PDE8B: variants seen among roughly 807,000 people sequenced by gnomAD.
PDE8B encodes phosphodiesterase 8B, also known as high affinity cAMP-specific and IBMX-insensitive 3',5'-cyclic phosphodiesterase 8B.
Under a neutral mutation model 101.3 loss-of-function variants are expected in PDE8B, and 26 were observed. That is an observed-to-expected ratio of 0.26 (90% CI 0.19 to 0.36). The LOEUF is 0.36. Ranked by LOEUF, PDE8B falls within the 10% of genes least tolerant of loss-of-function variation. The pLI is 1.00. For synonymous variants in PDE8B, 424 were observed against 429.3 expected, an observed-to-expected ratio of 0.99 and a Z score of 0.15; for missense variants, 810 against 1,163.1, an observed-to-expected ratio of 0.70 and a Z score of 4.42.
intron 1 of PDE8B, among the ~76,000 whole-genome samples, chr5:77,245,862 A>AC (rs1232280590): frequency 1.0e-4 from 1 of 10,046 alleles, no homozygotes; most frequent in Non-Finnish European, 1.9e-4. Flanking sequence ...CCCCCCCCCC[A>AC]ACTTTTTGAG....
chr5:77,232,113 G>T (rs1269226161), intron 1 of PDE8B, among the ~76,000 whole-genome samples: 4 of 152,186 alleles, frequency 2.6e-5, no homozygotes, highest in Non-Finnish European at 5.9e-5. Context: ...TGTATATTTT[G>T]TTAATTTTAG....
At chr5:77,164,597 T>C in the PDE8B span, among the ~76,000 whole-genome samples, 3 of 152,086 alleles carry the variant, frequency 2.0e-5, no homozygotes, top group African/African-American at 4.8e-5. Flanking sequence ...AAAGAGAAGG[T>C]AGGCACACTA....
the PDE8B span, among the ~76,000 whole-genome samples, chr5:77,196,017 C>T: frequency 1.3e-5 from 2 of 152,168 alleles, no homozygotes; most frequent in African/African-American, 2.4e-5. Flanking sequence ...TCTCTAGTGA[C>T]AAATGATGTT....
intron 9 of PDE8B, among the ~76,000 whole-genome samples, chr5:77,351,772 G>A (rs4704412): frequency 0.4 from 60,999 of 151,876 alleles, 12,447 homozygotes; most frequent in East Asian, 0.47. Flanking sequence ...ACATCATGGT[G>A]AGCCGTGGGG....
chr5:77,396,881 A>G (rs1237484419), intron 10 of PDE8B, among the ~76,000 whole-genome samples: 1 of 152,078 alleles, frequency 6.6e-6, no homozygotes, highest in African/African-American at 2.4e-5. Context: ...TTCCATGGAA[A>G]AACCTAGGAT....
the PDE8B span, among the ~76,000 whole-genome samples, chr5:77,185,372 G>C: frequency 7.2e-5 from 11 of 152,146 alleles, no homozygotes; most frequent in Non-Finnish European, 1.6e-4. Context: ...CTTGTAGACG[G>C]TCATCTTTTC....
intron 1 of PDE8B, among the ~76,000 whole-genome samples, chr5:77,296,236 CTCT>C (rs1482394015): frequency 2.7e-5 from 4 of 149,194 alleles, no homozygotes; most frequent in South Asian, 2.1e-4. Context: ...CTTCGTTTTC[CTCT>C]TCTTCTTTCT....
At position 77,426,586 on chromosome 5, in the gene PDE8B, C is replaced by A; in HGVS notation, c.*32C>A. 1 of 1,112,794 alleles carries A rather than the reference C, an allele frequency of 9.0e-7. No homozygotes were observed. The highest frequency in any genetic ancestry group is 1.4e-6 in the Non-Finnish European group (1 of 724,012). 68.9% of individuals were successfully genotyped at this position (1,112,794 alleles called of 1,614,324 possible). A position where few individuals can be genotyped will look rare whatever the true frequency, so the allele number is the denominator to read the frequency against. On this transcript the variant is annotated 3_prime_UTR_variant, in exon 22 of 22. Coordinates refer to ENST00000264917, the MANE Select transcript of PDE8B (RefSeq NM_003719.5). Reference sequence around the variant, plus strand: ...GCCACAGAGGGGGCCTCTTGACCGACAAAGGACACTGTGAATCACAGTAGC... The same window carrying A: ...GCCACAGAGGGGGCCTCTTGACCGAAAAAGGACACTGTGAATCACAGTAGC...
intron 10 of PDE8B, among the ~76,000 whole-genome samples, chr5:77,387,904 T>C (rs1038482166): frequency 2.6e-5 from 4 of 152,154 alleles, no homozygotes; most frequent in Non-Finnish European, 5.9e-5. Flanking sequence ...GAAGTTCTCG[T>C]GCTGTGTTTT....
chr5:77,234,029 G>C (rs1754183199), intron 1 of PDE8B, among the ~76,000 whole-genome samples: 3 of 152,046 alleles, frequency 2.0e-5, no homozygotes, highest in Admixed American at 2.0e-4. Flanking sequence ...ACTTTAAGGG[G>C]CTGAGAGCAA....
intron 14 of PDE8B, 113 bp downstream of exon 14, chr5:77,409,170 C>T (rs1292533453): frequency 2.4e-5 from 20 of 847,188 alleles, no homozygotes; most frequent in South Asian, 1.1e-4. Context: ...TATAGACTAA[C>T]GTTAGCATAA....
At chr5:77,361,913 G>A (rs1166357718) in intron 10 of PDE8B, among the ~76,000 whole-genome samples, 4 of 152,144 alleles carry the variant, frequency 2.6e-5, no homozygotes, top group Non-Finnish European at 5.9e-5. Flanking sequence ...GCTGATACAA[G>A]AGGTCAAAAA....
the PDE8B span, among the ~76,000 whole-genome samples, chr5:77,157,218 TG>T: frequency 2.0e-5 from 3 of 152,178 alleles, no homozygotes; most frequent in Non-Finnish European, 4.4e-5. Flanking sequence ...TTAAATATAG[TG>T]GGTGGCTCTG....
the PDE8B span, chr5:77,100,513 C>A: frequency 6.6e-6 from 1 of 152,208 alleles, no homozygotes; most frequent in African/African-American, 2.4e-5. Flanking sequence ...CTTGTTCTTA[C>A]CTCTCTATCA....
chr5:77,242,675 A>G (rs1756008179), intron 1 of PDE8B, among the ~76,000 whole-genome samples: 1 of 152,020 alleles, frequency 6.6e-6, no homozygotes, highest in Non-Finnish European at 1.5e-5. Flanking sequence ...TAATTTATTT[A>G]TGTATTTATT....
intron 1 of PDE8B, among the ~76,000 whole-genome samples, chr5:77,284,141 C>G (rs1055544373): frequency 2.6e-5 from 4 of 152,148 alleles, no homozygotes; most frequent in Non-Finnish European, 5.9e-5. Context: ...GGTGAGGTGT[C>G]TTTTCAGATT....
At chr5:77,232,261 A>G (rs1753729065) in intron 1 of PDE8B, among the ~76,000 whole-genome samples, 1 of 152,252 alleles carries the variant, frequency 6.6e-6, no homozygotes, top group African/African-American at 2.4e-5. Context: ...AAACTTTGTT[A>G]TGAAGTCTCT....
At chr5:77,328,818 A>G (rs1234432128) in intron 3 of PDE8B, among the ~76,000 whole-genome samples, 180 bp from the exon 4 acceptor site, 2 of 152,184 alleles carry the variant, frequency 1.3e-5, no homozygotes, top group African/African-American at 4.8e-5. Flanking sequence ...TTTTTAACGA[A>G]ATGAAGAGAT....
At chr5:77,239,403 A>C (rs960297326) in intron 1 of PDE8B, among the ~76,000 whole-genome samples, 2 of 152,222 alleles carry the variant, frequency 1.3e-5, no homozygotes, top group African/African-American at 4.8e-5. Context: ...TTTTAGTGTT[A>C]GATCCATATA....
Sources: gnomAD v4.1 joint callset for allele counts (sites outside exome capture counted in the v4.1 genomes callset) on GRCh38, gnomAD v4.1.1 for gene constraint, MANE v1.5 for transcripts, NCBI Gene and HGNC (gene_info 2026-07-23, HGNC 2026-07-21) for gene names.